The following DERL2 variants were observed in gnomAD, a reference collection of about 807,000 sequenced individuals.
DERL2 encodes the protein derlin-2.
Under a neutral mutation model 32.0 loss-of-function variants are expected in DERL2, and 13 were observed. The ratio of observed to expected loss-of-function variants is 0.41; its 90% confidence interval spans 0.26 to 0.65. The LOEUF (loss-of-function observed/expected upper bound fraction) is 0.65. Ranked by LOEUF, DERL2 falls within the 30% of genes least tolerant of loss-of-function variation. The pLI is 0.35. For synonymous variants in DERL2, 111 were observed against 104.7 expected, an observed-to-expected ratio of 1.06 and a Z score of -0.37; for missense variants, 208 against 296.3, an observed-to-expected ratio of 0.70 and a Z score of 2.19.
intron 6 of DERL2, among the ~76,000 whole-genome samples, chr17:5,476,133 G>A (rs1220138889): frequency 6.6e-6 from 1 of 152,140 alleles, no homozygotes; most frequent in Non-Finnish European, 1.5e-5. Flanking sequence ...CAGAACATAG[G>A]AGGGGATAGT....
At chr17:5,482,935 A>G (rs1306053273) in intron 2 of DERL2, 53 bp from the exon 3 acceptor site, 1 of 988,240 alleles carries the variant, frequency 1.0e-6, no homozygotes, top group East Asian at 2.5e-5. Flanking sequence ...AATTACCAGG[A>G]AACAGTTCCA....
rs796308773 is a variant in DERL2, at chr17:5,471,790, T to C, written c.*2894A>G. 1.3e-5 allele frequency: 2 copies of C among 152,194 alleles called. No homozygotes were observed. Among genetic ancestry groups the C allele is most frequent in the African/African-American group, 4.8e-5 (2 of 41,514 alleles). 9.4% of individuals were successfully genotyped at this position (152,194 alleles called of 1,614,324 possible). ...AATGGCAGGATCATGACTAACAACA[T>C]AGCTGGAACTCACCTGTCAAAGAAA... On this transcript the variant is annotated 3_prime_UTR_variant, in exon 7 of 7. Transcript: ENST00000158771.
chr17:5,486,000 AC>A lies in DERL2; in HGVS notation c.93+68del, dbSNP rs776245875. On this transcript the variant is annotated intron_variant, in intron 1 of 6. Coordinates refer to ENST00000158771, the MANE Select transcript of DERL2 (RefSeq NM_016041.5). ...CCCTCTGGGCCTCCCCGAGGCCCAA[AC>A]CCCAGTTTCCTGAAGACCCAGTCAT... 2.7e-6 allele frequency: 4 copies of A among 1,462,850 alleles called. No individual in the cohort carries two copies. In the South Asian group the frequency reaches 3.7e-5, roughly 14 times the overall value. The allele number at this position is 1,462,850 out of a possible 1,614,324, so 90.6% of individuals were successfully genotyped here. A position where few individuals can be genotyped will look rare whatever the true frequency, so the allele number is the denominator to read the frequency against.
chr17:5,474,980 A>AT lies in DERL2; in HGVS notation c.615-192dup, dbSNP rs35557217. Among the ~76,000 whole-genome samples, 1 of 152,188 alleles carries AT rather than the reference A, an allele frequency of 6.6e-6. No homozygotes were observed. Among genetic ancestry groups the AT allele is most frequent in the African/African-American group, 2.4e-5 (1 of 41,430 alleles). ...TTACATTAGCTTTTATCTTTTACTG[A>AT]TTTTTACTACAAAAGCAATCCAAAT... On this transcript the variant is annotated intron_variant, in intron 6 of 6. Coordinates refer to ENST00000158771, the MANE Select transcript of DERL2 (RefSeq NM_016041.5). This position sits in a 1 kb window ranked among gnomAD's most constrained non-coding sequence, Gnocchi z 4.3.
chr17:5,486,462 T>G, upstream of DERL2: 1 of 267,046 alleles, frequency 3.7e-6, no homozygotes, highest in Non-Finnish European at 7.1e-6. Context: ...CGGCCACAGC[T>G]AACTTTCCCG....
chr17:5,485,756 ATGGTACCACC>A (rs1431780710), intron 1 of DERL2: 3 of 319,678 alleles, frequency 9.4e-6, no homozygotes, highest in Non-Finnish European at 1.7e-5. Context: ...ACTAGTCACC[ATGGTACCACC>A]TGGCCATTGG....
chr17:5,485,296 C>A, intron 1 of DERL2, 80 bp from the exon 2 acceptor site: 1 of 962,950 alleles, frequency 1.0e-6, no homozygotes, highest in Non-Finnish European at 1.6e-6. Context: ...GTAGGTCTAG[C>A]AATTTCCAAC....
Position 5,474,934 on chromosome 17 carries a change from A to G in DERL2, c.615-145T>C. On this transcript the variant is annotated intron_variant, in intron 6 of 6. Transcript: ENST00000158771. This position sits in a 1 kb window ranked among gnomAD's most constrained non-coding sequence, Gnocchi z 4.3. ...AATTAAACAGTTAACATATTGTAAG[A>G]GCATCTATAATTATTAACATTTACA... The G allele has an allele frequency of 2.1e-6, 1 of 474,452 alleles. No individual in the cohort carries two copies. The highest frequency in any genetic ancestry group is 3.8e-5 in the South Asian group (1 of 26,424). 29.4% of individuals were successfully genotyped at this position (474,452 alleles called of 1,614,324 possible). A position where few individuals can be genotyped will look rare whatever the true frequency, so the allele number is the denominator to read the frequency against.
intron 1 of DERL2, 165 bp downstream of exon 1, chr17:5,485,904 A>G (rs561558247): frequency 6.1e-5 from 31 of 511,514 alleles, no homozygotes; most frequent in Non-Finnish European, 1.0e-4. Flanking sequence ...GCGTCACTGG[A>G]TAAGCATTCT....
chr17:5,476,205 A>C (rs1037130055), intron 6 of DERL2, among the ~76,000 whole-genome samples: 1 of 152,230 alleles, frequency 6.6e-6, no homozygotes, highest in African/African-American at 2.4e-5. Flanking sequence ...CTAAAGAAGG[A>C]ACCATTAAAG....
At chr17:5,482,744 T>C (rs1479446341) in intron 3 of DERL2, 65 bp downstream of exon 3, 1 of 933,638 alleles carries the variant, frequency 1.1e-6, no homozygotes, top group Non-Finnish European at 1.7e-6. Context: ...GGATGAAAAG[T>C]TTCAACTTAA....
chr17:5,480,292 G>T, intron 5 of DERL2, 95 bp downstream of exon 5: 1 of 1,304,604 alleles, frequency 7.7e-7, no homozygotes, highest in Non-Finnish European at 1.1e-6. Context: ...TTTACAATAG[G>T]TAATACGTGA....
Position 5,486,003 on chromosome 17 carries a change from C to T in DERL2, c.93+66G>A, listed in dbSNP as rs563801817. On this transcript the variant is annotated intron_variant, in intron 1 of 6. Coordinates refer to ENST00000158771, the MANE Select transcript of DERL2 (RefSeq NM_016041.5). ...TCTGGGCCTCCCCGAGGCCCAAACC[C>T]CAGTTTCCTGAAGACCCAGTCATAT... 7 of 1,486,002 alleles carry T rather than the reference C, an allele frequency of 4.7e-6. No homozygotes were observed. In the Admixed American group the frequency reaches 5.6e-5, roughly 12 times the overall value. 92.1% of individuals were successfully genotyped at this position (1,486,002 alleles called of 1,614,324 possible). A position where few individuals can be genotyped will look rare whatever the true frequency, so the allele number is the denominator to read the frequency against.
chr17:5,480,012 G>C (rs1304149908), intron 6 of DERL2, 42 bp downstream of exon 6: 1 of 1,257,460 alleles, frequency 8.0e-7, no homozygotes, highest in Admixed American at 1.7e-5. Context: ...CCCCTGTCCT[G>C]GTTTGCCTGT....
At position 5,486,094 on chromosome 17, in the gene DERL2, G is replaced by A. The variant is rs780879592; in HGVS notation, c.68C>T (p.Ala23Val). The A allele has an allele frequency of 1.9e-6, 3 of 1,611,702 alleles. No individual in the cohort carries two copies. The highest frequency in any genetic ancestry group is 2.2e-5 in the South Asian group (2 of 90,944). ...IPPVSRAYTT[A>V]CVLTTAAVQL... ...CACGGCGGCGGTGGTGAGGACGCAG[G>A]CAGTGGTGTAGGCGCGGCTGACCGG... The change falls in exon 1 of 7, where the codon GCC (alanine) becomes GTC (valine). Residue 23 changes from alanine (A) to valine (V), a missense_variant. Ala to Val is a moderately conservative substitution (Grantham distance 64, BLOSUM62 0). Coordinates refer to ENST00000158771, the MANE Select transcript of DERL2 (RefSeq NM_016041.5).
chr17:5,479,491 C>A (rs1905617592), intron 6 of DERL2, among the ~76,000 whole-genome samples: 1 of 105,630 alleles, frequency 9.5e-6, no homozygotes, highest in Admixed American at 1.2e-4. Context: ...GAGTGAGACT[C>A]CATGTAAAAA....
chr17:5,479,652 A>G (rs995805674), intron 6 of DERL2, among the ~76,000 whole-genome samples: 4 of 152,058 alleles, frequency 2.6e-5, no homozygotes, highest in Admixed American at 1.3e-4. Flanking sequence ...ACTCTGCTTC[A>G]CTGCTTATCT....
In DERL2 at chr17:5,481,458, G is replaced by T. The variant is rs779933523; in HGVS notation, c.234-69C>A. The T allele has an allele frequency of 5.7e-5, 60 of 1,053,784 alleles. No individual in the cohort carries two copies. The highest frequency in any genetic ancestry group is 1.1e-4 in the Admixed American group (6 of 55,280). The allele number at this position is 1,053,784 out of a possible 1,614,324, so 65.3% of individuals were successfully genotyped here. ...CAAAGTAAAAATTTAATGTTATCTT[G>T]TAAGTACACTTGGATTCCATATTAT... On this transcript the variant is annotated intron_variant, in intron 3 of 6. Transcript: ENST00000158771. This position sits in a 1 kb window ranked among gnomAD's most constrained non-coding sequence, Gnocchi z 4.4.
At chr17:5,484,817 C>T (rs981387432) in intron 2 of DERL2, among the ~76,000 whole-genome samples, 2 of 152,202 alleles carry the variant, frequency 1.3e-5, no homozygotes, top group Admixed American at 6.5e-5. Context: ...CATAGGACAA[C>T]GTTAAGTCTA....
Sources: gnomAD v4.1 joint callset for allele counts (sites outside exome capture counted in the v4.1 genomes callset) on GRCh38, gnomAD v4.1.1 for gene constraint, Gnocchi (gnomAD v3.1) non-coding constraint, MANE v1.5 for transcripts, NCBI Gene and HGNC (gene_info 2026-07-23, HGNC 2026-07-21) for gene names.